FOXP2: variants seen among roughly 807,000 people sequenced by gnomAD.
FOXP2 encodes forkhead box protein P2.
In FOXP2, 12 loss-of-function variants were observed where a neutral mutation model predicts 115.8. The ratio of observed to expected loss-of-function variants is 0.10; its 90% CI spans 0.07 to 0.17. The LOEUF (loss-of-function observed/expected upper bound fraction) is 0.17. FOXP2 is among the 10% of genes least tolerant of loss of function. The pLI is 1.00. For synonymous variants in FOXP2, 328 were observed against 297.7 expected, an observed-to-expected ratio of 1.10 and a Z score of -1.05; for missense variants, 629 against 843.5, an observed-to-expected ratio of 0.75 and a Z score of 3.15.
upstream of FOXP2, among the ~76,000 whole-genome samples, chr7:114,159,556 C>T (rs1181062654): frequency 1.4e-4 from 21 of 151,772 alleles, no homozygotes; most frequent in Admixed American, 1.3e-3. Context: ...GAATAATACA[C>T]TAATGATACT....
At chr7:114,432,288 CTGT>C (rs1793747992) in intron 2 of FOXP2, among the ~76,000 whole-genome samples, 1 of 151,956 alleles carries the variant, frequency 6.6e-6, no homozygotes, top group African/African-American at 2.4e-5. Context: ...ACACTGCATG[CTGT>C]TGTCTTTACA....
At chr7:114,214,521 T>C (rs1293395506) in intron 1 of FOXP2, among the ~76,000 whole-genome samples, 1 of 152,176 alleles carries the variant, frequency 6.6e-6, no homozygotes, top group Admixed American at 6.5e-5. Flanking sequence ...TTATATCCTT[T>C]TTACCATGGC....
intron 3 of FOXP2, chr7:114,538,486 A>G (rs112629574): frequency 5.4e-5 from 32 of 592,696 alleles, no homozygotes; most frequent in Middle Eastern, 5.3e-4. Context: ...CTCCTTTCTA[A>G]TAGGTAATTG....
chr7:114,628,702 G>A (rs767527686), intron 4 of FOXP2, 25 bp downstream of exon 4: 13 of 1,613,724 alleles, frequency 8.1e-6, no homozygotes, highest in Non-Finnish European at 1.1e-5. Context: ...CTGCTTTGGT[G>A]TTCTAGCATG....
chr7:114,415,096 C>G lies in FOXP2; in HGVS notation c.-275C>G, dbSNP rs1793277084. 2.2e-6 allele frequency: 1 copy of G among 454,158 alleles called. No individual in the cohort carries two copies. The highest frequency in any genetic ancestry group is 4.4e-6 in the Non-Finnish European group (1 of 226,678). The allele number at this position is 454,158 out of a possible 1,614,324, so 28.1% of individuals were successfully genotyped here. ...TTGTCCACGGACGCCAAAACAATCA[C>G]AGAGCTGCTTGATTTGTTTTAATTA... On this transcript the variant is annotated 5_prime_UTR_variant, in exon 1 of 17. Transcript: ENST00000350908.
intron 1 of FOXP2, among the ~76,000 whole-genome samples, chr7:114,136,766 T>C (rs1447999365): frequency 6.6e-6 from 1 of 151,960 alleles, no homozygotes; most frequent in Admixed American, 6.5e-5. Flanking sequence ...TATTCATGAC[T>C]AACTTGTCTA....
intron 2 of FOXP2, among the ~76,000 whole-genome samples, chr7:114,488,654 A>G (rs1395254140): frequency 6.6e-6 from 1 of 152,172 alleles, no homozygotes; most frequent in Admixed American, 6.5e-5. Flanking sequence ...AAAATGAACA[A>G]AAAACTTTAT....
chr7:114,387,214 T>A (rs1852470), intron 2 of FOXP2, among the ~76,000 whole-genome samples: 1 of 152,032 alleles, frequency 6.6e-6, no homozygotes, highest in Non-Finnish European at 1.5e-5. Context: ...TATTGTTCAC[T>A]TGGATTTTGA....
At chr7:114,181,738 G>T (rs1370006957) in intron 1 of FOXP2, among the ~76,000 whole-genome samples, 1 of 151,876 alleles carries the variant, frequency 6.6e-6, no homozygotes, top group Non-Finnish European at 1.5e-5. Flanking sequence ...AAATCAGTGG[G>T]TCAATAAAAA....
chr7:114,244,831 G>T (rs1331781328), intron 1 of FOXP2, among the ~76,000 whole-genome samples: 5 of 151,442 alleles, frequency 3.3e-5, no homozygotes, highest in Non-Finnish European at 5.9e-5. Flanking sequence ...GCGCAATCTC[G>T]GCTCACTGCA....
chr7:114,398,218 C>G (rs1041280328), intron 2 of FOXP2, among the ~76,000 whole-genome samples: 1 of 151,700 alleles, frequency 6.6e-6, no homozygotes, highest in Non-Finnish European at 1.5e-5. Flanking sequence ...TCAAAAATAC[C>G]ATATGTAAAA....
At chr7:114,283,193 A>T (rs1360348833) in intron 1 of FOXP2, among the ~76,000 whole-genome samples, 1 of 152,180 alleles carries the variant, frequency 6.6e-6, no homozygotes, top group Non-Finnish European at 1.5e-5. Flanking sequence ...GTTTGGCTAT[A>T]GTTAACTACC....
intron 2 of FOXP2, among the ~76,000 whole-genome samples, chr7:114,362,661 G>A (rs1791781084): frequency 6.6e-6 from 1 of 151,998 alleles, no homozygotes; most frequent in South Asian, 2.1e-4. Context: ...TAAATAGAAG[G>A]TTTGTGAGCC....
upstream of FOXP2, chr7:114,086,670 C>T (rs374419630): frequency 1.3e-4 from 42 of 317,978 alleles, no homozygotes; most frequent in African/African-American, 8.2e-4. Context: ...CCTGTCCCAG[C>T]CACCTCCACG....
At chr7:114,434,918 T>C (rs1350271200) in intron 2 of FOXP2, among the ~76,000 whole-genome samples, 2 of 152,166 alleles carry the variant, frequency 1.3e-5, no homozygotes, top group African/African-American at 4.8e-5. Context: ...ATCTTTCGTC[T>C]GTCTCTTAAA....
At chr7:114,667,418 G>A (rs1807225523) in intron 16 of FOXP2, 1 of 152,022 alleles carries the variant, frequency 6.6e-6, no homozygotes, top group Admixed American at 6.6e-5. Context: ...CACAGAGTGA[G>A]ACTCTATCTG....
chr7:114,455,164 T>G (rs1795255440), intron 2 of FOXP2, among the ~76,000 whole-genome samples: 2 of 152,216 alleles, frequency 1.3e-5, no homozygotes, highest in Admixed American at 6.5e-5. Flanking sequence ...TTCACTAAGA[T>G]ATTCCTTAAG....
At chr7:114,474,701 A>G (rs911135547) in intron 2 of FOXP2, among the ~76,000 whole-genome samples, 1 of 152,168 alleles carries the variant, frequency 6.6e-6, no homozygotes, top group East Asian at 1.9e-4. Flanking sequence ...GCTGACAAAC[A>G]TTTACAATTA....
At chr7:114,567,887 A>G (rs1801102375) in intron 3 of FOXP2, among the ~76,000 whole-genome samples, 2 of 152,114 alleles carry the variant, frequency 1.3e-5, no homozygotes, top group African/African-American at 2.4e-5. Context: ...AATTTCTTCA[A>G]CCAAACCTGT....
Sources: gnomAD v4.1 joint callset for allele counts (sites outside exome capture counted in the v4.1 genomes callset) on GRCh38, gnomAD v4.1.1 for gene constraint, MANE v1.5 for transcripts, NCBI Gene and HGNC (gene_info 2026-07-23, HGNC 2026-07-21) for gene names.